Variants in DLG2 observed in about 807,000 individuals in gnomAD.
The protein encoded by DLG2 is disks large homolog 2.
Under a neutral mutation model 132.5 loss-of-function variants are expected in DLG2, and 45 were observed. That is an observed-to-expected ratio of 0.34 (90% CI 0.27 to 0.44). The LOEUF (loss-of-function observed/expected upper bound fraction) is 0.44. Among genes scored for constraint, DLG2 ranks in the 20% least tolerant of loss-of-function variants. The pLI is 1.00. For synonymous variants in DLG2, 424 were observed against 419.6 expected (o/e 1.01, Z -0.13); for missense variants, 1,045 against 1,196.9 (o/e 0.87, Z 1.87).
At chr11:84,554,116 G>A (rs985419155) in intron 6 of DLG2, among the ~76,000 whole-genome samples, 3 of 152,188 alleles carry the variant, frequency 2.0e-5, no homozygotes, top group South Asian at 2.1e-4. Context: ...GCATATCTTC[G>A]TCCATTCAGT....
chr11:84,932,157 A>G (rs1007018486), intron 6 of DLG2, among the ~76,000 whole-genome samples: 11 of 152,116 alleles, frequency 7.2e-5, no homozygotes, highest in Admixed American at 7.2e-4. Flanking sequence ...CTTTTGTTGC[A>G]ATTGCTTTTG....
chr11:84,721,833 T>TAA (rs2061872951), intron 6 of DLG2, among the ~76,000 whole-genome samples: 1 of 152,218 alleles, frequency 6.6e-6, no homozygotes, highest in South Asian at 2.1e-4. Context: ...TAGATGGTAT[T>TAA]AACCCCTAAC....
intron 3 of DLG2, among the ~76,000 whole-genome samples, chr11:85,392,194 C>T (rs1221559000): frequency 6.6e-6 from 1 of 151,852 alleles, no homozygotes; most frequent in Non-Finnish European, 1.5e-5. Flanking sequence ...ACAATACCTG[C>T]AAAGAAAATA....
intron 6 of DLG2, among the ~76,000 whole-genome samples, chr11:85,063,535 C>T (rs1481397775): frequency 6.6e-6 from 1 of 151,722 alleles, no homozygotes; most frequent in Admixed American, 6.6e-5. Flanking sequence ...AAACGGTACA[C>T]CTTATGACTA....
At chr11:85,451,723 A>G (rs79636458) in intron 3 of DLG2, among the ~76,000 whole-genome samples, 13,999 of 152,178 alleles carry the variant, frequency 0.092, 1,032 homozygotes, top group Non-Finnish European at 0.12. Context: ...CCCCCAGTAC[A>G]TTCTTTTAAT....
intron 6 of DLG2, among the ~76,000 whole-genome samples, chr11:84,730,597 T>G (rs573921587): frequency 1.8e-4 from 27 of 152,026 alleles, no homozygotes; most frequent in Non-Finnish European, 3.5e-4. Flanking sequence ...GAGTTCAACT[T>G]TGAAAGCAGC....
chr11:84,847,691 T>G lies in DLG2; in HGVS notation c.357+263970A>C, dbSNP rs146653928. Among the ~76,000 whole-genome samples the G allele has an allele frequency of 4.4e-3, 669 of 152,238 alleles. 5 individuals carry two copies. Among genetic ancestry groups the G allele is most frequent in the African/African-American group, 0.016 (652 of 41,554 alleles). On this transcript the variant is annotated intron_variant, in intron 6 of 27. Transcript: ENST00000376104. ...AAAGCATGGCCTAAGGATAAATATT[T>G]GATTAAGTCTCAGAAAAATTTGAGG...
At chr11:83,723,602 C>G (rs2089273978) in intron 18 of DLG2, among the ~76,000 whole-genome samples, 1 of 152,142 alleles carries the variant, frequency 6.6e-6, no homozygotes, top group South Asian at 2.1e-4. Context: ...CGCCTGTAAT[C>G]TCAGCACTTT....
intron 11 of DLG2, among the ~76,000 whole-genome samples, chr11:84,038,329 G>A (rs892281649): frequency 1.3e-5 from 2 of 151,750 alleles, no homozygotes; most frequent in Non-Finnish European, 2.9e-5. Context: ...TAAAAAAGTG[G>A]GCAAAGGACA....
At chr11:84,751,018 T>C (rs2066042130) in intron 6 of DLG2, among the ~76,000 whole-genome samples, 1 of 152,126 alleles carries the variant, frequency 6.6e-6, no homozygotes. Context: ...ATTTAACTGA[T>C]GGCAGAGACA....
At chr11:84,747,010 A>G (rs923844323) in intron 6 of DLG2, among the ~76,000 whole-genome samples, 9 of 152,178 alleles carry the variant, frequency 5.9e-5, no homozygotes, top group African/African-American at 2.2e-4. Flanking sequence ...AATGAATCAC[A>G]TGGCCAGTCC....
intron 4 of DLG2, among the ~76,000 whole-genome samples, chr11:85,240,928 A>T (rs1054337330): frequency 1.2e-4 from 18 of 151,746 alleles, no homozygotes; most frequent in African/African-American, 4.1e-4. Context: ...AAAATCTTAA[A>T]CAAGGTTATC....
chr11:85,425,422 A>T (rs1340878465), intron 3 of DLG2, among the ~76,000 whole-genome samples: 3 of 152,164 alleles, frequency 2.0e-5, no homozygotes, highest in Non-Finnish European at 4.4e-5. Context: ...CATAATGAAC[A>T]TATATATTGT....
intron 7 of DLG2, among the ~76,000 whole-genome samples, chr11:84,387,525 A>G (rs2098775685): frequency 6.6e-6 from 1 of 152,140 alleles, no homozygotes; most frequent in Admixed American, 6.6e-5. Context: ...CATCTTTAAT[A>G]TAGAAACATG....
chr11:84,738,591 C>A (rs1216738509), intron 6 of DLG2, among the ~76,000 whole-genome samples: 2 of 152,070 alleles, frequency 1.3e-5, no homozygotes, highest in Non-Finnish European at 2.9e-5. Flanking sequence ...CCACTATACA[C>A]CAATTGGAAT....
chr11:84,824,505 G>A (rs1427533919), intron 6 of DLG2, among the ~76,000 whole-genome samples: 3 of 151,934 alleles, frequency 2.0e-5, no homozygotes, highest in Non-Finnish European at 4.4e-5. Flanking sequence ...GGTGTTGTAT[G>A]CTCTATTCTT....
chr11:84,731,883 T>A (rs928186337), intron 6 of DLG2, among the ~76,000 whole-genome samples: 10 of 151,964 alleles, frequency 6.6e-5, no homozygotes, highest in Non-Finnish European at 1.5e-4. Flanking sequence ...AATAAACATA[T>A]CTATCACCTT....
chr11:85,169,238 G>A (rs1159841244), intron 4 of DLG2, among the ~76,000 whole-genome samples: 1 of 151,968 alleles, frequency 6.6e-6, no homozygotes, highest in African/African-American at 2.4e-5. Flanking sequence ...TCGATTTCAG[G>A]TTGATTGTAT....
intron 6 of DLG2, among the ~76,000 whole-genome samples, chr11:84,807,255 G>A (rs2076097429): frequency 6.6e-6 from 1 of 152,124 alleles, no homozygotes; most frequent in African/African-American, 2.4e-5. Context: ...AGACCAGCCT[G>A]GCTAACGTGG....
Sources: gnomAD v4.1 joint callset for allele counts (sites outside exome capture counted in the v4.1 genomes callset) on GRCh38, gnomAD v4.1.1 for gene constraint, MANE v1.5 for transcripts, NCBI Gene and HGNC (gene_info 2026-07-23, HGNC 2026-07-21) for gene names.